The following FNBP1L variants were observed in gnomAD, a reference collection of about 807,000 sequenced individuals.
FNBP1L encodes the protein formin-binding protein 1-like.
FNBP1L carries 36 observed loss-of-function variants against 91.2 expected under a neutral mutation model. That is an observed-to-expected ratio of 0.39 (90% CI 0.30 to 0.52). The LOEUF is 0.52. Ranked by LOEUF, FNBP1L falls within the 20% of genes least tolerant of loss-of-function variation. The pLI is 0.66. For missense variants in FNBP1L, 571 were observed against 732.1 expected (o/e 0.78, Z 2.54); for synonymous variants, 242 against 237.0 (o/e 1.02, Z -0.19).
chr1:93,534,968 G>A, intron 9 of FNBP1L, 60 bp downstream of exon 9: 1 of 1,341,086 alleles, frequency 7.5e-7, no homozygotes, highest in Non-Finnish European at 1.0e-6. Context: ...AAAACAATGT[G>A]GGTATTGAAT....
intron 2 of FNBP1L, among the ~76,000 whole-genome samples, chr1:93,509,810 G>C (rs1028437463): frequency 2.2e-4 from 34 of 152,216 alleles, no homozygotes; most frequent in Admixed American, 6.5e-5. Flanking sequence ...AAGCGCAAGG[G>C]GTCAGGGAGT....
At chr1:93,478,483 C>T (rs1417584926) in intron 1 of FNBP1L, among the ~76,000 whole-genome samples, 4 of 152,118 alleles carry the variant, frequency 2.6e-5, no homozygotes, top group Non-Finnish European at 5.9e-5. Flanking sequence ...TGCAGGAGGG[C>T]AGCCAGCCTC....
At chr1:93,492,307 G>A (rs1670119515) in intron 1 of FNBP1L, among the ~76,000 whole-genome samples, 1 of 152,106 alleles carries the variant, frequency 6.6e-6, no homozygotes, top group Non-Finnish European at 1.5e-5. Flanking sequence ...AGAAAAGCCA[G>A]TAAAACCATA....
intron 13 of FNBP1L, 85 bp downstream of exon 13, chr1:93,547,059 C>T: frequency 1.5e-6 from 2 of 1,368,240 alleles, no homozygotes; most frequent in Non-Finnish European, 2.0e-6. Flanking sequence ...GAATTATCTT[C>T]AAATGTTTAT....
chr1:93,513,764 G>A (rs983022921), intron 2 of FNBP1L, among the ~76,000 whole-genome samples: 35 of 152,264 alleles, frequency 2.3e-4, no homozygotes, highest in African/African-American at 7.5e-4. Flanking sequence ...TTGATGGGAC[G>A]TATTTCAAAA....
intron 1 of FNBP1L, among the ~76,000 whole-genome samples, chr1:93,496,354 A>G (rs1246294934): frequency 6.6e-6 from 1 of 151,816 alleles, no homozygotes; most frequent in Non-Finnish European, 1.5e-5. Flanking sequence ...CCTGGACTCA[A>G]GGGATCCTCC....
At chr1:93,488,634 A>G (rs1384579948) in intron 1 of FNBP1L, among the ~76,000 whole-genome samples, 3 of 152,126 alleles carry the variant, frequency 2.0e-5, no homozygotes, top group Admixed American at 6.5e-5. Flanking sequence ...ACACACTCCA[A>G]TATCTACTAC....
At chr1:93,497,929 TAA>T (rs1444636753) in intron 1 of FNBP1L, among the ~76,000 whole-genome samples, 1 of 151,814 alleles carries the variant, frequency 6.6e-6, no homozygotes, top group Admixed American at 6.6e-5. Context: ...CATAATATTT[TAA>T]AAGTCATTGC....
At chr1:93,512,387 C>A (rs1167106208) in intron 2 of FNBP1L, among the ~76,000 whole-genome samples, 1 of 151,326 alleles carries the variant, frequency 6.6e-6, no homozygotes, top group Non-Finnish European at 1.5e-5. Flanking sequence ...AACAAGGATA[C>A]CCAGGAATTG....
chr1:93,499,190 AT>A (rs1670363037), intron 1 of FNBP1L, among the ~76,000 whole-genome samples: 1 of 151,904 alleles, frequency 6.6e-6, no homozygotes, highest in Admixed American at 6.6e-5. Context: ...GATAGGGGGG[AT>A]TTGGGGAAGA....
At chr1:93,499,341 A>G in intron 1 of FNBP1L, 127 bp from the exon 2 acceptor site, 1 of 653,188 alleles carries the variant, frequency 1.5e-6, no homozygotes, top group Non-Finnish European at 2.7e-6. Context: ...TGGGGGAGCT[A>G]GTAGAAGAGC....
At chr1:93,499,074 T>C (rs2101724572) in intron 1 of FNBP1L, among the ~76,000 whole-genome samples, 1 of 152,156 alleles carries the variant, frequency 6.6e-6, no homozygotes, top group East Asian at 1.9e-4. Context: ...GTATAGCAAA[T>C]GAATAAGATA....
chr1:93,517,810 T>C (rs957251240), intron 2 of FNBP1L, among the ~76,000 whole-genome samples: 3 of 152,190 alleles, frequency 2.0e-5, no homozygotes, highest in Admixed American at 2.0e-4. Context: ...AGTAGCCTCA[T>C]TCACATTCAT....
rs200390106 is a variant in FNBP1L, at chr1:93,497,130, T to G, written c.25-2338T>G. Among the ~76,000 whole-genome samples the G allele has an allele frequency of 9.2e-5, 14 of 152,094 alleles. No individual in the cohort carries two copies. The East Asian group carries it at 1.4e-3, about 15-fold the overall frequency. ...ATCCGCCACCACGCCTGGCTAATTT[T>G]TTTTTGTATTTTTAGTACAGACGGG... On this transcript the variant is annotated intron_variant, in intron 1 of 16. Transcript: ENST00000271234.
At chr1:93,490,535 G>A (rs1670059430) in intron 1 of FNBP1L, among the ~76,000 whole-genome samples, 2 of 152,150 alleles carry the variant, frequency 1.3e-5, no homozygotes, top group African/African-American at 4.8e-5. Flanking sequence ...TGAATGTGTT[G>A]GAAAAGGAAG....
At chr1:93,453,021 C>T (rs1487092593) in intron 1 of FNBP1L, among the ~76,000 whole-genome samples, 1 of 152,170 alleles carries the variant, frequency 6.6e-6, no homozygotes, top group Admixed American at 6.5e-5. Context: ...GATACCACTG[C>T]CCAGAATGCC....
intron 10 of FNBP1L, among the ~76,000 whole-genome samples, chr1:93,538,433 A>T (rs984270906): frequency 6.6e-6 from 1 of 152,096 alleles, no homozygotes; most frequent in Non-Finnish European, 1.5e-5. Flanking sequence ...TCCCAGATTT[A>T]TTATTAGCTA....
chr1:93,448,258 G>A lies in FNBP1L; in HGVS notation c.-24G>A, dbSNP rs907476149. On this transcript the variant is annotated 5_prime_UTR_variant, in exon 1 of 17. Coordinates refer to ENST00000271234, the MANE Select transcript of FNBP1L (RefSeq NM_001164473.3). Reference sequence around the variant, plus strand: ...CGACAGACTGAAGGACAGCGGCACCGCCAGACGGCCAGAAAGTTCCGCCAT... The same window carrying A: ...CGACAGACTGAAGGACAGCGGCACCACCAGACGGCCAGAAAGTTCCGCCAT... 7.2e-6 allele frequency: 11 copies of A among 1,519,974 alleles called. No homozygotes were observed. The highest frequency in any genetic ancestry group is 1.2e-5 in the South Asian group (1 of 81,528). 94.2% of individuals were successfully genotyped at this position (1,519,974 alleles called of 1,614,324 possible). A position where few individuals can be genotyped will look rare whatever the true frequency, so the allele number is the denominator to read the frequency against.
In FNBP1L at chr1:93,552,542, C is replaced by G; in HGVS notation, c.*126C>G. On this transcript the variant is annotated 3_prime_UTR_variant, in exon 17 of 17. Transcript: ENST00000271234. ...AGCAAGTTGCATGAGTGCATGCAGA[C>G]ATGATTTTTTTTTTACTAACTTCAT... 1 of 947,652 alleles carries G rather than the reference C, an allele frequency of 1.1e-6. No homozygotes were observed. The highest frequency in any genetic ancestry group is 2.6e-5 in the South Asian group (1 of 38,792). The allele number at this position is 947,652 out of a possible 1,614,324, so 58.7% of individuals were successfully genotyped here. A position where few individuals can be genotyped will look rare whatever the true frequency, so the allele number is the denominator to read the frequency against.
Sources: gnomAD v4.1 joint callset for allele counts (sites outside exome capture counted in the v4.1 genomes callset) on GRCh38, gnomAD v4.1.1 for gene constraint, MANE v1.5 for transcripts, NCBI Gene and HGNC (gene_info 2026-07-23, HGNC 2026-07-21) for gene names.